IRX2: variants seen among roughly 807,000 people sequenced by gnomAD.
IRX2 encodes the protein iroquois-class homeodomain protein IRX-2.
Under a neutral mutation model 42.9 loss-of-function variants are expected in IRX2, and 26 were observed. That is an observed-to-expected ratio of 0.61 (90% CI 0.44 to 0.84). The LOEUF (loss-of-function observed/expected upper bound fraction) is 0.84, where lower values mean the gene tolerates loss of function less well. IRX2 is among the 40% of genes least tolerant of loss of function. The probability of loss-of-function intolerance (pLI) is 0.00; values close to 1 mark genes in which losing one functional copy is unlikely to be tolerated. For missense variants in IRX2, 782 were observed against 713.9 expected, an observed-to-expected ratio of 1.10 and a Z score of -1.09; for synonymous variants, 424 against 353.9, an observed-to-expected ratio of 1.20 and a Z score of -2.22.
chr5:2,748,401 G>T lies in IRX2; in HGVS notation c.1307C>A (p.Ala436Glu). The T allele has an allele frequency of 1.3e-6, 2 of 1,487,258 alleles. No individual in the cohort carries two copies. The highest frequency in any genetic ancestry group is 2.9e-5 in the African/African-American group (2 of 68,818). 92.1% of individuals were successfully genotyped at this position (1,487,258 alleles called of 1,614,324 possible). A position where few individuals can be genotyped will look rare whatever the true frequency, so the allele number is the denominator to read the frequency against. ...KAASDAGKAG[A>E]HPLESHYRSP... is the part of the protein sequence containing the mutation. ...CCGGTAGTGGGACTCGAGCGGGTGC[G>T]CGCCCGCCTTGCCCGCGTCGCTGGC... The change falls in exon 3 of 4, where the codon GCG becomes GAG. Residue 436 changes from alanine to glutamate, a missense_variant. By Grantham distance (107) the Ala-to-Glu change is moderately radical (BLOSUM62 -1). Coordinates refer to ENST00000302057, the MANE Select transcript of IRX2 (RefSeq NM_033267.5).
At position 2,749,417 on chromosome 5, in the gene IRX2, G is replaced by T. The variant is rs775911484; in HGVS notation, c.620C>A (p.Ala207Glu). Reference protein sequence around the residue: ...TRSKDESPDKAQEGTETSAED... With the variant: ...TRSKDESPDKEQEGTETSAED... ...TGCCGAGGTCTCCGTGCCCTCCTGC[G>T]CCTTGTCGGGACTCTCGTCCTTGCT... The change falls in exon 2 of 4, where the codon GCG becomes GAG. Residue 207 changes from alanine (A) to glutamate (E), a missense_variant. Transcript: ENST00000302057. The T allele has an allele frequency of 1.2e-6, 2 of 1,614,008 alleles. No individual in the cohort carries two copies. Among genetic ancestry groups the T allele is most frequent in the Admixed American group, 3.3e-5 (2 of 60,000 alleles).
In IRX2 at chr5:2,748,975, C is replaced by A. The variant is rs1260443534; in HGVS notation, c.733G>T (p.Ala245Ser). The change falls in exon 3 of 4, where the codon GCC becomes TCC. Residue 245 changes from alanine (A) to serine (S), a missense_variant. Physicochemically the swap from Ala to Ser is moderately conservative, Grantham distance 99 (BLOSUM62 1). Transcript: ENST00000302057. Reference protein sequence around the residue: ...ESDGEKLPCRAGDPLCESGSE... With the variant: ...ESDGEKLPCRSGDPLCESGSE... ...CCCGATTCGCACAGGGGGTCCCCGG[C>A]GCGGCACGGAAGCTTCTCCCCGTCC... is the stretch of plus-strand genomic sequence containing the variant. 5 of 1,597,428 alleles carry A rather than the reference C, an allele frequency of 3.1e-6. No individual in the cohort carries two copies. Among genetic ancestry groups the A allele is most frequent in the Non-Finnish European group, 4.2e-6 (5 of 1,179,502 alleles).
downstream of IRX2, among the ~76,000 whole-genome samples, chr5:2,741,885 C>A (rs560675150): frequency 5.3e-5 from 8 of 152,234 alleles, no homozygotes; most frequent in East Asian, 1.5e-3. Context: ...TATCATGGGG[C>A]CAGAGTTAAA....
chr5:2,749,314 G>A (rs993039737), intron 2 of IRX2, 68 bp downstream of exon 2: 19 of 1,525,974 alleles, frequency 1.2e-5, no homozygotes, highest in Admixed American at 2.1e-5. Flanking sequence ...CGTCCTCCCC[G>A]CCTTAGCTCT....
In IRX2 at chr5:2,749,424, C is replaced by G. The variant is rs1737840818; in HGVS notation, c.613G>C (p.Asp205His). Residue 205 changes from aspartate (D) to histidine (H), a missense_variant, in exon 2 of 4, where the codon GAC (aspartate) becomes CAC (histidine). Coordinates refer to ENST00000302057, the MANE Select transcript of IRX2 (RefSeq NM_033267.5). Reference sequence around the variant, plus strand: ...GTCTCCGTGCCCTCCTGCGCCTTGTCGGGACTCTCGTCCTTGCTTCTGGTA... The same window carrying G: ...GTCTCCGTGCCCTCCTGCGCCTTGTGGGGACTCTCGTCCTTGCTTCTGGTA... ...DATRSKDESP[D>H]KAQEGTETSA... is the part of the protein sequence containing the mutation. 6.2e-7 allele frequency: 1 copy of G among 1,614,058 alleles called. No individual in the cohort carries two copies. Among genetic ancestry groups the G allele is most frequent in the Non-Finnish European group, 8.5e-7 (1 of 1,179,984 alleles).
At chr5:2,740,607 A>G in the IRX2 span, among the ~76,000 whole-genome samples, 1 of 152,160 alleles carries the variant, frequency 6.6e-6, no homozygotes, top group Non-Finnish European at 1.5e-5. Context: ...CAAAACACGT[A>G]GGCCTGGAAC....
rs1009845354 is a variant in IRX2 at position 2,748,355 on chromosome 5, C to T, written c.1353G>A (p.Glu451=). 3 of 1,449,034 alleles carry T rather than the reference C, an allele frequency of 2.1e-6. No individual in the cohort carries two copies. The highest frequency in any genetic ancestry group is 1.5e-5 in the African/African-American group (1 of 67,008). The allele number at this position is 1,449,034 out of a possible 1,614,324, so 89.8% of individuals were successfully genotyped here. A position where few individuals can be genotyped will look rare whatever the true frequency, so the allele number is the denominator to read the frequency against. ...SHYRSPGGGY[E]PKKDASEGCT... ...CCGCGGGCCGCCTACCTTTCTTGGGCTCGTAGCCGCCGCCCGGGGACCGGT... is the reference window on the plus strand; with the variant it reads ...CCGCGGGCCGCCTACCTTTCTTGGGTTCGTAGCCGCCGCCCGGGGACCGGT... Residue 451 remains glutamate (E), a synonymous_variant, in exon 3 of 4, where the codon GAG becomes GAA. Coordinates refer to ENST00000302057, the MANE Select transcript of IRX2 (RefSeq NM_033267.5).
At chr5:2,739,933 G>A in the IRX2 span, among the ~76,000 whole-genome samples, 1 of 152,148 alleles carries the variant, frequency 6.6e-6, no homozygotes, top group Non-Finnish European at 1.5e-5. Flanking sequence ...ACCAGGAAGG[G>A]GACTGAAGCC....
downstream of IRX2, among the ~76,000 whole-genome samples, chr5:2,743,799 G>A (rs955500159): frequency 1.3e-5 from 2 of 152,108 alleles, no homozygotes; most frequent in Admixed American, 1.3e-4. Flanking sequence ...CTTTTCCAAT[G>A]ACCAGCATGG....
Position 2,749,730 on chromosome 5 carries a change from A to T in IRX2, c.307T>A (p.Tyr103Asn), listed in dbSNP as rs770010149. 1.2e-6 allele frequency: 2 copies of T among 1,613,606 alleles called. No homozygotes were observed. The highest frequency in any genetic ancestry group is 1.1e-5 in the South Asian group (1 of 91,040). Reference sequence around the variant, plus strand: ...TGGTACGGGTAGGCCGCGCTGCCGTACGGGTGGTAGCTGATGGCGCCGGTC... The same window carrying T: ...TGGTACGGGTAGGCCGCGCTGCCGTTCGGGTGGTAGCTGATGGCGCCGGTC... ...GMTGAISYHP[Y>N]GSAAYPYQLN... is the part of the protein sequence containing the mutation. The change falls in exon 2 of 4, where the codon TAC (tyrosine) becomes AAC (asparagine). Residue 103 changes from tyrosine to asparagine, a missense_variant. Around this residue, in one of 3 missense-constraint regions of IRX2, gnomAD observed 256 missense variants for 250.0 expected, o/e 1.02. Transcript: ENST00000302057.
chr5:2,749,881 T>A (rs983431770), intron 1 of IRX2, 94 bp from the exon 2 acceptor site: 4 of 1,323,088 alleles, frequency 3.0e-6, no homozygotes, highest in Non-Finnish European at 4.1e-6. Flanking sequence ...ACGGCCACCG[T>A]TCCCCCCGTG....
At chr5:2,745,012 T>G (rs1560946758), downstream of IRX2, among the ~76,000 whole-genome samples, 1 of 152,148 alleles carries the variant, frequency 6.6e-6, no homozygotes, top group African/African-American at 2.4e-5. Flanking sequence ...AAAAAGCCAC[T>G]AGAGAGAGAT....
At chr5:2,749,205 G>C (rs150084610) in intron 2 of IRX2, among the ~76,000 whole-genome samples, 153 bp from the exon 3 acceptor site, 3 of 152,190 alleles carry the variant, frequency 2.0e-5, no homozygotes, top group South Asian at 2.1e-4. Flanking sequence ...TGACCTCCCC[G>C]GGAAGGGCCC....
chr5:2,739,647 C>T, the IRX2 span, among the ~76,000 whole-genome samples: 1 of 152,202 alleles, frequency 6.6e-6, no homozygotes, highest in Non-Finnish European at 1.5e-5. Flanking sequence ...CGCCGGACCC[C>T]GCGATCGTCC....
In IRX2 at chr5:2,751,650, G is replaced by A. The variant is rs1738002094; in HGVS notation, c.-237C>T. 2 of 151,304 alleles carry A rather than the reference G, an allele frequency of 1.3e-5. No individual in the cohort carries two copies. The highest frequency in any genetic ancestry group is 1.3e-4 in the Admixed American group (2 of 15,014). The allele number at this position is 151,304 out of a possible 1,614,324, so 9.4% of individuals were successfully genotyped here. A position where few individuals can be genotyped will look rare whatever the true frequency, so the allele number is the denominator to read the frequency against. On this transcript the variant is annotated 5_prime_UTR_variant, in exon 1 of 4. Transcript: ENST00000302057. This position sits in a 1 kb window ranked among gnomAD's most constrained non-coding sequence, Gnocchi z 4.0. ...CAGCCGCGCGCCAGGCCGGCGGTCG[G>A]GGTTTGGGGGAGTCTGGAGTCGGGA...
intron 2 of IRX2, among the ~76,000 whole-genome samples, 160 bp from the exon 3 acceptor site, chr5:2,749,212 G>A (rs1737826897): frequency 6.6e-6 from 1 of 152,234 alleles, no homozygotes; most frequent in East Asian, 1.9e-4. Context: ...CCCGGGAAGG[G>A]CCCGAGGAAT....
chr5:2,745,845 T>C (rs1579623211), downstream of IRX2: 1 of 152,140 alleles, frequency 6.6e-6, no homozygotes, highest in Non-Finnish European at 1.5e-5. Context: ...ATAAAATGCA[T>C]AGGGTGTCAG....
At chr5:2,744,078 GT>G (rs1737605526), downstream of IRX2, among the ~76,000 whole-genome samples, 11 of 24,088 alleles carry the variant, frequency 4.6e-4, no homozygotes, top group Non-Finnish European at 1.3e-3. Flanking sequence ...GGAGTCGTGT[GT>G]GTGTGTGTGT....
rs376566605 is a variant in IRX2, at chr5:2,747,567, T to C, written c.1413A>G (p.Leu471=). Residue 471 remains leucine, a synonymous_variant, in exon 4 of 4, where the codon CTA becomes CTG. Transcript: ENST00000302057. ...TVVGGGVQPY[L] is the part of the protein sequence containing the mutation. ...TGCATTGCTGTGCTCGGCCCTTCTA[T>C]AGGTAGGGCTGGACGCCCCCGCCAA... The C allele has an allele frequency of 6.2e-6, 10 of 1,613,860 alleles. No homozygotes were observed. Among genetic ancestry groups the C allele is most frequent in the Admixed American group, 1.7e-5 (1 of 60,004 alleles).
Sources: allele counts gnomAD v4.1 joint callset (sites outside exome capture counted in the v4.1 genomes callset), GRCh38; gene constraint gnomAD v4.1.1; regional missense constraint gnomAD v4.1.1; non-coding constraint Gnocchi (gnomAD v3.1); transcripts MANE v1.5; gene names NCBI Gene and HGNC (gene_info 2026-07-23, HGNC 2026-07-21).